Variants in DENND1A observed in about 807,000 individuals in gnomAD.
DENND1A encodes the protein DENN domain containing 1A.
Under a neutral mutation model 113.7 loss-of-function variants are expected in DENND1A, and 51 were observed. The observed-to-expected ratio is 0.45, with a 90% CI of 0.36 to 0.57. The LOEUF (loss-of-function observed/expected upper bound fraction) is 0.57, where lower values mean the gene tolerates loss of function less well. Ranked by LOEUF, DENND1A falls within the 20% of genes least tolerant of loss-of-function variation. The pLI, the probability that DENND1A is intolerant of heterozygous loss-of-function variation, is 0.00. For synonymous variants in DENND1A, 565 were observed against 570.8 expected (o/e 0.99, Z 0.14); for missense variants, 1,258 against 1,395.9 (o/e 0.90, Z 1.57).
At chr9:123,631,592 A>C (rs2061477782) in intron 9 of DENND1A, among the ~76,000 whole-genome samples, 3 of 152,208 alleles carry the variant, frequency 2.0e-5, no homozygotes, top group African/African-American at 2.4e-5. Context: ...AAGTCCTCCA[A>C]ATTTTCCCCT....
At chr9:123,645,618 C>A (rs905563917) in intron 9 of DENND1A, among the ~76,000 whole-genome samples, 1 of 152,162 alleles carries the variant, frequency 6.6e-6, no homozygotes, top group Non-Finnish European at 1.5e-5. Flanking sequence ...ACAAGGAGAA[C>A]CCCACCTCCT....
intron 13 of DENND1A, among the ~76,000 whole-genome samples, chr9:123,514,080 GTGTGTGTGTGTGTGTGTA>G (rs757831689): frequency 2.0e-3 from 133 of 67,720 alleles, no homozygotes; most frequent in Non-Finnish European, 4.7e-3. Flanking sequence ...GTGTGTGTGT[GTGTGTGTGTGTGTGTGTA>G]TGTGTGTGTG....
chr9:123,397,846 G>T (rs1783675833), intron 21 of DENND1A, among the ~76,000 whole-genome samples: 2 of 152,196 alleles, frequency 1.3e-5, no homozygotes, highest in Admixed American at 6.5e-5. Context: ...TCTGGCCAGA[G>T]AAGTGAGCTG....
At chr9:123,387,938 G>A (rs931147204) in intron 21 of DENND1A, 80 bp from the exon 22 acceptor site, 4 of 1,247,970 alleles carry the variant, frequency 3.2e-6, no homozygotes, top group Admixed American at 2.4e-5. Flanking sequence ...CGGGAAGCAG[G>A]CCTCTGGGCT....
At chr9:123,754,749 T>G (rs1437598241) in intron 5 of DENND1A, among the ~76,000 whole-genome samples, 6 of 152,296 alleles carry the variant, frequency 3.9e-5, no homozygotes, top group Non-Finnish European at 2.9e-5. Flanking sequence ...ACACATCAAT[T>G]GCTGCCATTT....
chr9:123,486,471 C>G (rs117385400), intron 13 of DENND1A, among the ~76,000 whole-genome samples: 1 of 152,216 alleles, frequency 6.6e-6, no homozygotes, highest in Admixed American at 6.5e-5. Context: ...TGATACACAC[C>G]GAGACTTCTG....
intron 2 of DENND1A, among the ~76,000 whole-genome samples, chr9:123,850,697 T>C (rs1415622536): frequency 6.6e-6 from 1 of 152,202 alleles, no homozygotes; most frequent in Admixed American, 6.5e-5. Flanking sequence ...TCCCCATCTG[T>C]AAAATTGAGA....
chr9:123,593,278 T>A (rs1464834006), intron 11 of DENND1A, among the ~76,000 whole-genome samples: 1 of 152,208 alleles, frequency 6.6e-6, no homozygotes, highest in African/African-American at 2.4e-5. Flanking sequence ...AACCTCAATT[T>A]CTTTATCCAT....
At chr9:123,417,886 G>T (rs902508065) in intron 19 of DENND1A, among the ~76,000 whole-genome samples, 1 of 125,434 alleles carries the variant, frequency 8.0e-6, no homozygotes, top group South Asian at 2.4e-4. Flanking sequence ...GCCATAGATT[G>T]GGGGGGGGGC....
At chr9:123,891,300 T>C (rs539134007) in intron 1 of DENND1A, among the ~76,000 whole-genome samples, 16 of 152,230 alleles carry the variant, frequency 1.1e-4, no homozygotes, top group Non-Finnish European at 2.1e-4. Flanking sequence ...GTTGTCATCA[T>C]AGATCACAGT....
intron 2 of DENND1A, among the ~76,000 whole-genome samples, chr9:123,800,757 C>CATA (rs747408715): frequency 7.2e-5 from 11 of 152,000 alleles, no homozygotes; most frequent in Non-Finnish European, 1.6e-4. Context: ...GCACTCTATT[C>CATA]AACTAGTAAA....
chr9:123,770,257 C>T (rs1265897271), intron 3 of DENND1A, among the ~76,000 whole-genome samples: 1 of 152,074 alleles, frequency 6.6e-6, no homozygotes, highest in Non-Finnish European at 1.5e-5. Flanking sequence ...AAGCAAACTA[C>T]CAGTTTAAAT....
chr9:123,906,206 C>T (rs1176635767), intron 1 of DENND1A, among the ~76,000 whole-genome samples: 5 of 146,728 alleles, frequency 3.4e-5, no homozygotes, highest in African/African-American at 1.0e-4. Flanking sequence ...ACATTCAAAG[C>T]AGTGTGTAGA....
intron 21 of DENND1A, among the ~76,000 whole-genome samples, chr9:123,402,822 T>A (rs2043601147): frequency 6.6e-6 from 1 of 152,238 alleles, no homozygotes; most frequent in African/African-American, 2.4e-5. Context: ...ATTCACTTCA[T>A]CTACCCCACG....
chr9:123,390,584 A>C (rs940004113), intron 21 of DENND1A, among the ~76,000 whole-genome samples: 4 of 152,250 alleles, frequency 2.6e-5, no homozygotes, highest in African/African-American at 9.6e-5. Context: ...GAGTCCACCC[A>C]TCCATCTGTC....
intron 22 of DENND1A, among the ~76,000 whole-genome samples, chr9:123,385,496 T>C (rs1042605263): frequency 6.6e-6 from 1 of 152,206 alleles, no homozygotes; most frequent in African/African-American, 2.4e-5. Flanking sequence ...AGTCTGGGGC[T>C]GGTGGTGGCC....
intron 5 of DENND1A, among the ~76,000 whole-genome samples, chr9:123,750,565 G>A (rs2069928949): frequency 6.6e-6 from 1 of 152,196 alleles, no homozygotes; most frequent in African/African-American, 2.4e-5. Context: ...TTATCAATCT[G>A]CCTTAGCAGT....
At chr9:123,466,884 A>T (rs1248678195) in intron 13 of DENND1A, among the ~76,000 whole-genome samples, 9 of 188 alleles carry the variant, frequency 0.048, no homozygotes, top group Non-Finnish European at 0.12. Flanking sequence ...CATCTCTTAA[A>T]AAAAAAAAAA....
rs750999579 is a variant in DENND1A, at chr9:123,450,629, AC to A, written c.1356+63del. On this transcript the variant is annotated intron_variant, in intron 18 of 23. Transcript: ENST00000394215. ...AACAGCCCTCTATTGATCCCCTCATACTTTTTTGTGGCCATGCATTTCATAC... is the reference window on the plus strand; with the variant it reads ...AACAGCCCTCTATTGATCCCCTCATATTTTTTGTGGCCATGCATTTCATAC... The A allele has an allele frequency of 1.9e-4, 264 of 1,382,614 alleles. 1 individual carries two copies. The highest frequency in any genetic ancestry group is 1.6e-3 in the Middle Eastern group (9 of 5,544). 85.6% of individuals were successfully genotyped at this position (1,382,614 alleles called of 1,614,324 possible). A position where few individuals can be genotyped will look rare whatever the true frequency, so the allele number is the denominator to read the frequency against.
Sources: allele counts gnomAD v4.1 joint callset (sites outside exome capture counted in the v4.1 genomes callset), GRCh38; gene constraint gnomAD v4.1.1; transcripts MANE v1.5; gene names NCBI Gene and HGNC (gene_info 2026-07-23, HGNC 2026-07-21).